The following SHANK2 variants were observed in gnomAD, a reference collection of about 807,000 sequenced individuals.
The protein encoded by SHANK2 is SH3 and multiple ankyrin repeat domains protein 2.
A neutral mutation model predicts 133.7 loss-of-function variants in SHANK2; 43 were observed. The ratio of observed to expected loss-of-function variants is 0.32; its 90% confidence interval spans 0.25 to 0.41. SHANK2 has a LOEUF of 0.41. SHANK2 is among the 10% of genes least tolerant of loss of function. SHANK2 has a pLI of 1.00. For missense variants in SHANK2, 1,994 were observed against 2,235.8 expected (o/e 0.89, Z 2.18); for synonymous variants, 1,017 against 952.8 (o/e 1.07, Z -1.24).
chr11:70,652,244 TG>T lies in SHANK2; in HGVS notation c.2061+7583del, dbSNP rs1425950968. ...GCCAGGGACTTTGGAGGCTGGCGGG[TG>T]GGGTGGGACAGGTACCTCTATTAGT... On this transcript the variant is annotated intron_variant, in intron 17 of 25. Coordinates refer to ENST00000601538, the MANE Select transcript of SHANK2 (RefSeq NM_012309.5). 4.6e-5 allele frequency among the ~76,000 whole-genome samples: 7 copies of T among 151,768 alleles called. No individual in the cohort carries two copies. In the East Asian group the frequency reaches 1.2e-3, roughly 25 times the overall value.
chr11:71,173,445 G>C (rs185334154), intron 2 of SHANK2, among the ~76,000 whole-genome samples: 31 of 152,326 alleles, frequency 2.0e-4, no homozygotes, highest in African/African-American at 7.2e-4. Flanking sequence ...AGTTCACCCT[G>C]CTGGAAATAT....
At chr11:71,204,367 G>A (rs1954085153) in intron 2 of SHANK2, among the ~76,000 whole-genome samples, 1 of 152,160 alleles carries the variant, frequency 6.6e-6, no homozygotes, top group Non-Finnish European at 1.5e-5. Flanking sequence ...TGGTAGGAGT[G>A]TCCCACGGGG....
chr11:70,862,503 AGACTGGCTGATGGACTG>A (rs1949275758), intron 11 of SHANK2, among the ~76,000 whole-genome samples: 1 of 151,638 alleles, frequency 6.6e-6, no homozygotes, highest in East Asian at 1.9e-4. Context: ...GGACAGGACT[AGACTGGCTGATGGACTG>A]GACTGGCTGA....
rs185266534 is a variant in SHANK2 at position 70,905,956 on chromosome 11, C to T, written c.1108-9389G>A. Among the ~76,000 whole-genome samples the T allele has an allele frequency of 2.0e-4, 31 of 152,152 alleles. 1 individual carries two copies. The highest frequency in any genetic ancestry group is 2.0e-3 in the Admixed American group (30 of 15,286). ...CCTCCTATGTAGCTGGGATTACAGGCACATGCCACCATGCCCGGCTAATTT... is the reference window on the plus strand; with the variant it reads ...CCTCCTATGTAGCTGGGATTACAGGTACATGCCACCATGCCCGGCTAATTT... On this transcript the variant is annotated intron_variant, in intron 10 of 25. Coordinates refer to ENST00000601538, the MANE Select transcript of SHANK2 (RefSeq NM_012309.5).
chr11:70,742,878 G>A (rs1555035065), intron 14 of SHANK2, among the ~76,000 whole-genome samples: 1 of 152,118 alleles, frequency 6.6e-6, no homozygotes, highest in Non-Finnish European at 1.5e-5. Flanking sequence ...AAGAAAGTTT[G>A]CCTTGGGCTG....
At chr11:71,192,183 A>T (rs926408222) in intron 2 of SHANK2, among the ~76,000 whole-genome samples, 5 of 152,174 alleles carry the variant, frequency 3.3e-5, no homozygotes, top group Non-Finnish European at 7.3e-5. Context: ...TCTTATCAGG[A>T]CACCAGTCCT....
chr11:70,667,056 G>A (rs1300056554), intron 15 of SHANK2, among the ~76,000 whole-genome samples: 1 of 152,002 alleles, frequency 6.6e-6, no homozygotes, highest in Non-Finnish European at 1.5e-5. Context: ...TACAACTATG[G>A]AGGAAACCAT....
intron 14 of SHANK2, among the ~76,000 whole-genome samples, chr11:70,792,777 T>C (rs1947822140): frequency 6.6e-6 from 1 of 152,148 alleles, no homozygotes; most frequent in Non-Finnish European, 1.5e-5. Context: ...TCTTCTAATT[T>C]TCAGCATCAA....
intron 17 of SHANK2, among the ~76,000 whole-genome samples, chr11:70,575,470 G>C (rs1241735924): frequency 6.7e-6 from 1 of 149,522 alleles, no homozygotes; most frequent in Non-Finnish European, 1.5e-5. Context: ...AGTGAGCTGA[G>C]ATTGTGCCAC....
At chr11:71,225,774 GA>G (rs1264433162) in intron 1 of SHANK2, among the ~76,000 whole-genome samples, 2 of 152,164 alleles carry the variant, frequency 1.3e-5, no homozygotes, top group African/African-American at 4.8e-5. Context: ...TGAAATAACA[GA>G]AAGCCTCACC....
chr11:70,813,883 C>T (rs782369058), intron 12 of SHANK2, among the ~76,000 whole-genome samples: 4 of 152,152 alleles, frequency 2.6e-5, no homozygotes, highest in Non-Finnish European at 5.9e-5. Context: ...ATTCTGGTGA[C>T]GGCATCTCTG....
chr11:70,661,887 T>G, intron 15 of SHANK2: 1 of 1,393,250 alleles, frequency 7.2e-7, no homozygotes, highest in Non-Finnish European at 1.0e-6. Flanking sequence ...CGTGGCACAA[T>G]GAGACTTGCA....
chr11:70,477,511 G>T (rs1260931068), intron 25 of SHANK2: 9 of 152,226 alleles, frequency 5.9e-5, no homozygotes, highest in Non-Finnish European at 1.3e-4. Context: ...AGTAGCATTG[G>T]AGTGAAGTTC....
intron 8 of SHANK2, among the ~76,000 whole-genome samples, chr11:71,081,536 G>C (rs1021614030): frequency 6.6e-6 from 1 of 152,114 alleles, no homozygotes; most frequent in Non-Finnish European, 1.5e-5. Context: ...AGGAGGGCAG[G>C]ATAGAGGACC....
chr11:71,201,489 T>C (rs771733567), intron 2 of SHANK2, among the ~76,000 whole-genome samples: 1 of 152,248 alleles, frequency 6.6e-6, no homozygotes, highest in Non-Finnish European at 1.5e-5. Flanking sequence ...CTGCTGCTGC[T>C]ACTCACTTGG....
At chr11:70,797,990 G>A (rs767730438) in intron 14 of SHANK2, among the ~76,000 whole-genome samples, 3 of 152,176 alleles carry the variant, frequency 2.0e-5, no homozygotes, top group African/African-American at 4.8e-5. Flanking sequence ...GAGAGATGCT[G>A]GAATGGCTTC....
intron 17 of SHANK2, among the ~76,000 whole-genome samples, chr11:70,641,215 C>T (rs2061175843): frequency 6.6e-6 from 1 of 151,952 alleles, no homozygotes; most frequent in South Asian, 2.1e-4. Context: ...CCTGCCTCAG[C>T]CTCCTGAGTA....
At chr11:70,899,407 G>A (rs1239448549) in intron 10 of SHANK2, among the ~76,000 whole-genome samples, 2 of 150,468 alleles carry the variant, frequency 1.3e-5, no homozygotes, top group Admixed American at 6.6e-5. Context: ...ATGCGGAACT[G>A]TGTATCGATT....
rs932294527 is a variant in SHANK2 at position 70,605,423 on chromosome 11, G to C, written c.2061+54405C>G. ...GGCCCTTGGCAGGAAGCCCCCCTGT[G>C]ACCACTCATGTTTAGGCTGGACACT... On this transcript the variant is annotated intron_variant, in intron 17 of 25. Transcript: ENST00000601538. 2.6e-5 allele frequency among the ~76,000 whole-genome samples: 4 copies of C among 152,324 alleles called. 1 individual carries two copies. In the South Asian group the frequency reaches 8.3e-4, roughly 32 times the overall value.
Sources: allele counts gnomAD v4.1 joint callset (sites outside exome capture counted in the v4.1 genomes callset), GRCh38; gene constraint gnomAD v4.1.1; transcripts MANE v1.5; gene names NCBI Gene and HGNC (gene_info 2026-07-23, HGNC 2026-07-21).